ZNF704: variants seen among roughly 807,000 people sequenced by gnomAD.
ZNF704 encodes the protein zinc finger protein 704.
ZNF704 carries 10 observed loss-of-function variants against 44.7 expected under a neutral mutation model. The observed-to-expected ratio is 0.22, with a 90% CI of 0.14 to 0.38. The LOEUF is 0.38. Ranked by LOEUF, ZNF704 falls within the 10% of genes least tolerant of loss-of-function variation. The pLI, the probability that ZNF704 is intolerant of heterozygous loss-of-function variation, is 1.00. For missense variants in ZNF704, 390 were observed against 545.5 expected (o/e 0.71, Z 2.84); for synonymous variants, 211 against 207.6 (o/e 1.02, Z -0.14).
intron 2 of ZNF704, among the ~76,000 whole-genome samples, chr8:80,741,607 T>C (rs1437657432): frequency 6.6e-6 from 1 of 152,226 alleles, no homozygotes; most frequent in Non-Finnish European, 1.5e-5. Context: ...TTAGCTTAAA[T>C]ATCAGGCTCT....
intron 1 of ZNF704, among the ~76,000 whole-genome samples, chr8:80,837,414 G>A (rs564685821): frequency 6.6e-6 from 1 of 152,134 alleles, no homozygotes; most frequent in Admixed American, 6.5e-5. Flanking sequence ...CAAATACCAC[G>A]AGGTTAATAC....
At chr8:80,667,447 T>TA (rs1818213230) in intron 5 of ZNF704, among the ~76,000 whole-genome samples, 1 of 152,208 alleles carries the variant, frequency 6.6e-6, no homozygotes, top group Admixed American at 6.5e-5. Context: ...GCTGAGACGT[T>TA]AAGTCCTGGG....
At chr8:80,721,183 A>AC (rs1448473748) in intron 2 of ZNF704, among the ~76,000 whole-genome samples, 6 of 152,354 alleles carry the variant, frequency 3.9e-5, no homozygotes, top group Non-Finnish European at 8.8e-5. Flanking sequence ...GAGAGTATGA[A>AC]CTGTAGTAGA....
chr8:80,682,992 T>C (rs998358542), intron 4 of ZNF704, among the ~76,000 whole-genome samples: 1 of 152,198 alleles, frequency 6.6e-6, no homozygotes, highest in Non-Finnish European at 1.5e-5. Context: ...ACACAAATCA[T>C]TTCTGATCAG....
At chr8:80,685,400 G>A (rs1237866444) in intron 4 of ZNF704, among the ~76,000 whole-genome samples, 2 of 152,152 alleles carry the variant, frequency 1.3e-5, no homozygotes, top group African/African-American at 4.8e-5. Flanking sequence ...ACCCTGGGCC[G>A]TGAGTCCTTG....
At chr8:80,688,069 G>A (rs2127688) in intron 3 of ZNF704, among the ~76,000 whole-genome samples, 7,006 of 152,142 alleles carry the variant, frequency 0.046, 228 homozygotes, top group Middle Eastern at 0.089. Flanking sequence ...TTAGCCCGGC[G>A]TGGTGGCATG....
At chr8:80,774,800 C>T (rs1018317909) in intron 2 of ZNF704, among the ~76,000 whole-genome samples, 11 of 152,342 alleles carry the variant, frequency 7.2e-5, no homozygotes, top group African/African-American at 2.6e-4. Context: ...TAGGATGTTC[C>T]TGTCTTGGTC....
intron 4 of ZNF704, among the ~76,000 whole-genome samples, chr8:80,675,451 T>C (rs117001199): frequency 0.011 from 1,734 of 151,480 alleles, 20 homozygotes; most frequent in Middle Eastern, 0.031. Context: ...AGAGTGACAC[T>C]GTATGACTTA....
At chr8:80,706,072 G>T (rs1051687664) in intron 2 of ZNF704, among the ~76,000 whole-genome samples, 2 of 152,144 alleles carry the variant, frequency 1.3e-5, no homozygotes, top group Non-Finnish European at 2.9e-5. Context: ...TTAACGATCC[G>T]CCTGGTAAAT....
chr8:80,865,255 G>C (rs926838702), intron 1 of ZNF704, among the ~76,000 whole-genome samples: 1 of 152,070 alleles, frequency 6.6e-6, no homozygotes, highest in African/African-American at 2.4e-5. Flanking sequence ...TTAAAAAAAC[G>C]ATAGCCACTG....
chr8:80,724,910 A>G (rs1806448916), intron 2 of ZNF704, among the ~76,000 whole-genome samples: 1 of 152,186 alleles, frequency 6.6e-6, no homozygotes, highest in African/African-American at 2.4e-5. Flanking sequence ...AAATCATGCC[A>G]TTCCAGGTCT....
the ZNF704 span, among the ~76,000 whole-genome samples, chr8:80,879,828 T>G: frequency 1.3e-5 from 2 of 152,186 alleles, no homozygotes; most frequent in Non-Finnish European, 2.9e-5. Context: ...TATTTTCATA[T>G]CTCTGAGGCT....
At chr8:80,711,486 T>G (rs1818985183) in intron 2 of ZNF704, among the ~76,000 whole-genome samples, 1 of 152,194 alleles carries the variant, frequency 6.6e-6, no homozygotes, top group Non-Finnish European at 1.5e-5. Flanking sequence ...ATTATTTCAG[T>G]GGGTTAACAG....
rs377534169 is a variant in ZNF704 at position 80,846,913 on chromosome 8, C to T, written c.-21-25298G>A. On this transcript the variant is annotated intron_variant, in intron 1 of 8. Coordinates refer to ENST00000327835, the MANE Select transcript of ZNF704 (RefSeq NM_001033723.3). ...CCAGGTTGGGCACAGTGGCTCACGC[C>T]TGTAATCTCAGCATTTTGGGAGGCT... Among the ~76,000 whole-genome samples the T allele has an allele frequency of 1.1e-3, 167 of 152,310 alleles. 3 individuals carry two copies. The East Asian group carries it at 0.028, about 25-fold the overall frequency.
rs1485064987 is a variant in ZNF704, at chr8:80,838,871, G to A, written c.-21-17256C>T. ...GAGGGGAGCAGACCCCAGTGGTGGCGGAGAAGGAGAAGGAAGAGGAGGAGG... is the reference window on the plus strand; with the variant it reads ...GAGGGGAGCAGACCCCAGTGGTGGCAGAGAAGGAGAAGGAAGAGGAGGAGG... On this transcript the variant is annotated intron_variant, in intron 1 of 8. Coordinates refer to ENST00000327835, the MANE Select transcript of ZNF704 (RefSeq NM_001033723.3). Among the ~76,000 whole-genome samples, 5 of 151,204 alleles carry A rather than the reference G, an allele frequency of 3.3e-5. No homozygotes were observed. The East Asian group carries it at 7.9e-4, about 24-fold the overall frequency.
chr8:80,669,682 T>C (rs759176065), intron 5 of ZNF704, among the ~76,000 whole-genome samples: 1 of 152,208 alleles, frequency 6.6e-6, no homozygotes, highest in Non-Finnish European at 1.5e-5. Context: ...CTCCTCTGTG[T>C]CCAAGCACAC....
chr8:80,667,597 T>G (rs1346679106), intron 5 of ZNF704, among the ~76,000 whole-genome samples: 1 of 152,252 alleles, frequency 6.6e-6, no homozygotes, highest in Non-Finnish European at 1.5e-5. Flanking sequence ...CGCTTCACTA[T>G]GACTGATTCT....
At chr8:80,855,370 A>G (rs1201311963) in intron 1 of ZNF704, among the ~76,000 whole-genome samples, 1 of 140,314 alleles carries the variant, frequency 7.1e-6, no homozygotes, top group Non-Finnish European at 1.6e-5. Context: ...TAAGATATGG[A>G]ATCAACCTAA....
At chr8:80,750,707 G>A (rs1806927985) in intron 2 of ZNF704, among the ~76,000 whole-genome samples, 1 of 152,064 alleles carries the variant, frequency 6.6e-6, no homozygotes, top group Non-Finnish European at 1.5e-5. Context: ...TAGAGACGGG[G>A]TTTCACCATG....
Sources: gnomAD v4.1 joint callset for allele counts (sites outside exome capture counted in the v4.1 genomes callset) on GRCh38, gnomAD v4.1.1 for gene constraint, MANE v1.5 for transcripts, NCBI Gene and HGNC (gene_info 2026-07-23, HGNC 2026-07-21) for gene names.